Variants in LRCH1 observed in about 807,000 individuals in gnomAD.
LRCH1 encodes the protein leucine-rich repeat and calponin homology domain-containing protein 1.
Under a neutral mutation model 94.9 loss-of-function variants are expected in LRCH1, and 23 were observed. The ratio of observed to expected loss-of-function variants is 0.24; its 90% CI spans 0.17 to 0.34. LRCH1 has a LOEUF of 0.34. Among genes scored for constraint, LRCH1 ranks in the 10% least tolerant of loss-of-function variants. The pLI, the probability that LRCH1 is intolerant of heterozygous loss-of-function variation, is 1.00. For missense variants in LRCH1, 790 were observed against 945.9 expected (o/e 0.84, Z 2.16); for synonymous variants, 364 against 354.9 (o/e 1.03, Z -0.29).
chr13:46,615,912 C>T (rs1027935869), intron 1 of LRCH1, among the ~76,000 whole-genome samples: 1 of 151,302 alleles, frequency 6.6e-6, no homozygotes, highest in Non-Finnish European at 1.5e-5. Context: ...CGTGTAGGCC[C>T]TTGTCCCTTT....
intron 2 of LRCH1, among the ~76,000 whole-genome samples, chr13:46,664,459 A>G (rs2051489338): frequency 6.6e-6 from 1 of 152,336 alleles, no homozygotes; most frequent in Admixed American, 6.5e-5. Context: ...AGTTGCCTAC[A>G]GTATTCAGTA....
At chr13:46,608,376 G>A (rs915859099) in intron 1 of LRCH1, among the ~76,000 whole-genome samples, 1 of 152,218 alleles carries the variant, frequency 6.6e-6, no homozygotes, top group African/African-American at 2.4e-5. Flanking sequence ...CACTGATGGT[G>A]CCATGTGTCA....
At chr13:46,636,863 G>A (rs1333640261) in intron 1 of LRCH1, among the ~76,000 whole-genome samples, 1 of 152,172 alleles carries the variant, frequency 6.6e-6, no homozygotes, top group Non-Finnish European at 1.5e-5. Context: ...AGGTTGGAAT[G>A]TCCCAGGGCT....
intron 1 of LRCH1, among the ~76,000 whole-genome samples, chr13:46,558,663 G>A (rs1253716054): frequency 6.6e-6 from 1 of 150,896 alleles, no homozygotes; most frequent in Non-Finnish European, 1.5e-5. Flanking sequence ...AACCTGGGAG[G>A]TGAAGGTTGT....
Position 46,742,744 on chromosome 13 carries a change from T to C in LRCH1, c.*896T>C. The C allele has an allele frequency of 2.0e-6, 2 of 985,488 alleles. No individual in the cohort carries two copies. The highest frequency in any genetic ancestry group is 2.4e-6 in the Non-Finnish European group (2 of 829,942). 61.0% of individuals were successfully genotyped at this position (985,488 alleles called of 1,614,324 possible). On this transcript the variant is annotated 3_prime_UTR_variant, in exon 20 of 20. Transcript: ENST00000389797. ...CGGTCCAGAATGTGACGGATTCGAC[T>C]CTATTCATTTTCAAATAAAGCCATG...
chr13:46,569,381 C>G (rs1194991001), intron 1 of LRCH1, among the ~76,000 whole-genome samples: 1 of 152,144 alleles, frequency 6.6e-6, no homozygotes, highest in African/African-American at 2.4e-5. Context: ...AGAACTTGCC[C>G]AAGATCCCCA....
intron 1 of LRCH1, among the ~76,000 whole-genome samples, chr13:46,631,222 G>A (rs933969208): frequency 7.2e-5 from 11 of 152,162 alleles, no homozygotes; most frequent in Non-Finnish European, 1.5e-4. Context: ...TGCTCCAAAA[G>A]TAGGTTCTCA....
rs1873699544 is a variant in LRCH1 at position 46,742,215 on chromosome 13, G to T, written c.*367G>T. 1 of 1,106,894 alleles carries T rather than the reference G, an allele frequency of 9.0e-7. No individual in the cohort carries two copies. 68.6% of individuals were successfully genotyped at this position (1,106,894 alleles called of 1,614,324 possible). A position where few individuals can be genotyped will look rare whatever the true frequency, so the allele number is the denominator to read the frequency against. On this transcript the variant is annotated 3_prime_UTR_variant, in exon 20 of 20. Transcript: ENST00000389797. ...CCAGGACAAGAGTGTCAAGGACAGG[G>T]ATTTAGCATATGGAAGTCTTTCCTT...
At chr13:46,658,955 C>T (rs1482286912) in intron 2 of LRCH1, among the ~76,000 whole-genome samples, 1 of 152,088 alleles carries the variant, frequency 6.6e-6, no homozygotes, top group Non-Finnish European at 1.5e-5. Context: ...TATATGTTTT[C>T]TAAGTCTGGT....
intron 18 of LRCH1, among the ~76,000 whole-genome samples, chr13:46,731,897 C>T (rs1016304514): frequency 6.6e-6 from 1 of 152,154 alleles, no homozygotes; most frequent in African/African-American, 2.4e-5. Flanking sequence ...CCATTCTCAA[C>T]GCCTTAGGAC....
rs1872948380 is a variant in LRCH1 at position 46,728,661 on chromosome 13, T to G, written c.1870-186T>G. Among the ~76,000 whole-genome samples, 4 of 152,374 alleles carry G rather than the reference T, an allele frequency of 2.6e-5. No individual in the cohort carries two copies. The South Asian group carries it at 8.3e-4, about 32-fold the overall frequency. ...AAAATTTTACACTCACCTAAATTTG[T>G]TTTTATAAAGAGAGATTTTGATACT... On this transcript the variant is annotated intron_variant, in intron 17 of 19. Transcript: ENST00000389797.
chr13:46,569,207 T>C (rs983428742), intron 1 of LRCH1, among the ~76,000 whole-genome samples: 12 of 152,264 alleles, frequency 7.9e-5, no homozygotes, highest in African/African-American at 2.9e-4. Flanking sequence ...CTGGGATCAC[T>C]GGAATGATGT....
chr13:46,630,134 T>C (rs1018354351), intron 1 of LRCH1, among the ~76,000 whole-genome samples: 8 of 152,230 alleles, frequency 5.3e-5, no homozygotes, highest in African/African-American at 1.9e-4. Flanking sequence ...TCTTTTTTGC[T>C]ATATTCTTGC....
intron 1 of LRCH1, among the ~76,000 whole-genome samples, chr13:46,586,891 C>T (rs2050441140): frequency 6.6e-6 from 1 of 152,176 alleles, no homozygotes. Flanking sequence ...TAGAATTTTG[C>T]ACAGATGCGG....
intron 1 of LRCH1, among the ~76,000 whole-genome samples, chr13:46,640,341 C>T (rs1236471495): frequency 6.6e-6 from 1 of 152,120 alleles, no homozygotes; most frequent in Non-Finnish European, 1.5e-5. Flanking sequence ...TCAATGGAGC[C>T]AGTACTATTA....
intron 1 of LRCH1, among the ~76,000 whole-genome samples, chr13:46,647,905 T>G (rs2051243036): frequency 6.6e-6 from 1 of 152,078 alleles, no homozygotes; most frequent in Non-Finnish European, 1.5e-5. Flanking sequence ...ACTTCAGTGG[T>G]TCCCAACCTT....
chr13:46,553,606 G>A lies in LRCH1; in HGVS notation c.210G>A (p.Ala70=). The A allele has an allele frequency of 6.4e-7, 1 of 1,566,430 alleles. No homozygotes were observed. Among genetic ancestry groups the A allele is most frequent in the Non-Finnish European group, 8.6e-7 (1 of 1,156,638 alleles). The change falls in exon 1 of 20, where the codon GCG becomes GCA. Residue 70 remains alanine (A), a synonymous_variant. Transcript: ENST00000389797. ...NRGLERALEE[A]ANSGGLNLSA... Reference sequence around the variant, plus strand: ...GTCTGGAGCGCGCGCTTGAGGAGGCGGCCAACTCCGGGGGGCTGAACCTGA... The same window carrying A: ...GTCTGGAGCGCGCGCTTGAGGAGGCAGCCAACTCCGGGGGGCTGAACCTGA...
chr13:46,695,005 T>C lies in LRCH1; in HGVS notation c.1233T>C (p.Phe411=). 6.2e-7 allele frequency: 1 copy of C among 1,613,954 alleles called. No individual in the cohort carries two copies. The highest frequency in any genetic ancestry group is 8.5e-7 in the Non-Finnish European group (1 of 1,179,918). ...GAGCAGATGGTCTCCATTCGGAATT[T>C]ATGAACTATAAGGCAAGATTTTCAG... is the stretch of plus-strand genomic sequence containing the variant. ...TDRADGLHSE[F]MNYKARAEDC... The change falls in exon 9 of 20, where the codon TTT becomes TTC. Residue 411 remains phenylalanine, a synonymous_variant. Transcript: ENST00000389797.
At chr13:46,705,842 GT>G (rs1325956300) in intron 13 of LRCH1, among the ~76,000 whole-genome samples, 14 of 152,226 alleles carry the variant, frequency 9.2e-5, no homozygotes, top group Admixed American at 9.2e-4. Context: ...TTGGATGGCT[GT>G]AAAGAAAGCA....
Sources: gnomAD v4.1 joint callset for allele counts (sites outside exome capture counted in the v4.1 genomes callset) on GRCh38, gnomAD v4.1.1 for gene constraint, MANE v1.5 for transcripts, NCBI Gene and HGNC (gene_info 2026-07-23, HGNC 2026-07-21) for gene names.